DYSF: variants seen among roughly 807,000 people sequenced by gnomAD.
The protein encoded by DYSF is dysferlin.
A neutral mutation model predicts 274.9 loss-of-function variants in DYSF; 212 were observed. The ratio of observed to expected loss-of-function variants is 0.77; its 90% CI spans 0.69 to 0.86. The LOEUF (loss-of-function observed/expected upper bound fraction) is 0.86, where lower values mean the gene tolerates loss of function less well. Ranked by LOEUF, DYSF falls within the 40% of genes least tolerant of loss-of-function variation. The pLI, the probability that DYSF is intolerant of heterozygous loss-of-function variation, is 0.00. For synonymous variants in DYSF, 1,091 were observed against 1,078.7 expected (o/e 1.01, Z -0.22); for missense variants, 2,666 against 2,783.2 (o/e 0.96, Z 0.95).
chr2:71,501,021 A>G (rs2084918846), intron 3 of DYSF, among the ~76,000 whole-genome samples: 1 of 152,126 alleles, frequency 6.6e-6, no homozygotes, highest in Non-Finnish European at 1.5e-5. Flanking sequence ...CCTGAGGACA[A>G]TTCAGTCAAC....
intron 52 of DYSF, among the ~76,000 whole-genome samples, chr2:71,678,151 G>A (rs2095249892): frequency 6.6e-6 from 1 of 152,108 alleles, no homozygotes; most frequent in African/African-American, 2.4e-5. Context: ...ATAGCCTGAA[G>A]GGAATTTTAT....
intron 55 of DYSF, among the ~76,000 whole-genome samples, chr2:71,683,959 G>T (rs778455143): frequency 6.6e-6 from 1 of 152,244 alleles, no homozygotes; most frequent in Non-Finnish European, 1.5e-5. Context: ...GCTGGGGAAA[G>T]GATGTCTGGT....
At chr2:71,641,279 C>T (rs536297575) in intron 41 of DYSF, among the ~76,000 whole-genome samples, 17 of 148,652 alleles carry the variant, frequency 1.1e-4, no homozygotes, top group Admixed American at 9.4e-4. Flanking sequence ...CCCAGGTTCA[C>T]GCCATTCTCC....
rs564680304 is a variant in DYSF at position 71,511,989 on chromosome 2, G to A, written c.460+68G>A. On this transcript the variant is annotated intron_variant, in intron 5 of 55. Coordinates refer to ENST00000410020, the MANE Select transcript of DYSF (RefSeq NM_001130987.2). ...CCGGCAGTGGCACTTGAGCCTGGGG[G>A]CTGGGAGCTGCAGCGAGGCTTCCCA... 24 of 1,035,938 alleles carry A rather than the reference G, an allele frequency of 2.3e-5. 1 individual carries two copies. In the East Asian group the frequency reaches 6.2e-4, roughly 27 times the overall value. The allele number at this position is 1,035,938 out of a possible 1,614,324, so 64.2% of individuals were successfully genotyped here.
intron 32 of DYSF, among the ~76,000 whole-genome samples, chr2:71,596,819 C>T (rs1205404481): frequency 6.6e-6 from 1 of 152,220 alleles, no homozygotes; most frequent in East Asian, 1.9e-4. Context: ...TGGTGGCTGC[C>T]TTCTATTAAC....
intron 3 of DYSF, among the ~76,000 whole-genome samples, chr2:71,486,787 G>A (rs1015414225): frequency 6.6e-6 from 1 of 152,176 alleles, no homozygotes; most frequent in African/African-American, 2.4e-5. Flanking sequence ...CCACTCCTTA[G>A]GGTGGAAGAC....
intron 16 of DYSF, among the ~76,000 whole-genome samples, chr2:71,535,520 A>G (rs1158886142): frequency 6.6e-6 from 1 of 152,048 alleles, no homozygotes; most frequent in East Asian, 1.9e-4. Context: ...GTAGGCAGAT[A>G]AGGAGGAATC....
chr2:71,603,887 G>A (rs775201743), intron 36 of DYSF, among the ~76,000 whole-genome samples: 134 of 152,316 alleles, frequency 8.8e-4, no homozygotes, highest in Non-Finnish European at 1.6e-3. Context: ...AACTGGATTC[G>A]TAATATGTAA....
At position 71,601,538 on chromosome 2, in the gene DYSF, G is replaced by A. The variant is rs886056282; in HGVS notation, c.3927+10G>A. The A allele has an allele frequency of 1.2e-6, 2 of 1,614,158 alleles. No homozygotes were observed. Among genetic ancestry groups the A allele is most frequent in the South Asian group, 1.1e-5 (1 of 91,084 alleles). On this transcript the variant is annotated intron_variant, in intron 35 of 55. Transcript: ENST00000410020. ...TATTCCTGGTTTTGAGGTAAGTCTTGCTCTGACCTTTCCTTCTTCAAACTG... is the reference window on the plus strand; with the variant it reads ...TATTCCTGGTTTTGAGGTAAGTCTTACTCTGACCTTTCCTTCTTCAAACTG...
At chr2:71,485,288 G>A (rs932579664) in intron 3 of DYSF, among the ~76,000 whole-genome samples, 1 of 152,190 alleles carries the variant, frequency 6.6e-6, no homozygotes, top group African/African-American at 2.4e-5. Context: ...GGGCATTGTG[G>A]CTCATACCTG....
At chr2:71,639,272 G>A (rs1478192069) in intron 41 of DYSF, among the ~76,000 whole-genome samples, 1 of 152,098 alleles carries the variant, frequency 6.6e-6, no homozygotes, top group Non-Finnish European at 1.5e-5. Context: ...CCCATTCTGT[G>A]AGTTGTCTTT....
At chr2:71,560,892 A>C (rs904775948) in intron 22 of DYSF, among the ~76,000 whole-genome samples, 5 of 152,088 alleles carry the variant, frequency 3.3e-5, no homozygotes, top group African/African-American at 7.2e-5. Context: ...CCATACCCTC[A>C]GTGGAGAATG....
rs149267005 is a variant in DYSF at position 71,571,785 on chromosome 2, A to C, written c.3228+1044A>C. ...CAGATCACACCCAGCACACACACAGATCACACCCAGCACACACAGCTCACA... is the reference window on the plus strand; with the variant it reads ...CAGATCACACCCAGCACACACACAGCTCACACCCAGCACACACAGCTCACA... On this transcript the variant is annotated intron_variant, in intron 29 of 55. Coordinates refer to ENST00000410020, the MANE Select transcript of DYSF (RefSeq NM_001130987.2). Among the ~76,000 whole-genome samples the C allele has an allele frequency of 6.1e-3, 684 of 111,650 alleles. 2 individuals carry two copies. Among genetic ancestry groups the C allele is most frequent in the African/African-American group, 0.024 (580 of 24,300 alleles). 73.2% of individuals were successfully genotyped at this position (111,650 alleles called of 152,430 possible).
intron 1 of DYSF, among the ~76,000 whole-genome samples, chr2:71,479,640 T>C (rs540173077): frequency 4.1e-4 from 62 of 152,338 alleles, no homozygotes; most frequent in African/African-American, 1.2e-3. Context: ...CACCTTTCTT[T>C]CAAGCCTCAC....
At chr2:71,569,697 C>T in intron 26 of DYSF, 123 bp from the exon 27 acceptor site, 3 of 800,310 alleles carry the variant, frequency 3.7e-6, no homozygotes, top group Non-Finnish European at 4.2e-6. Context: ...TCCCCACCCC[C>T]CATGTCTCTC....
chr2:71,507,156 C>T (rs1005811718), intron 4 of DYSF, among the ~76,000 whole-genome samples: 7 of 152,238 alleles, frequency 4.6e-5, no homozygotes, highest in African/African-American at 1.4e-4. Context: ...AGTTACACTC[C>T]GGCGGCTCCA....
chr2:71,503,332 C>A lies in DYSF; in HGVS notation c.345+13C>A. The A allele has an allele frequency of 6.2e-7, 1 of 1,613,630 alleles. No individual in the cohort carries two copies. The highest frequency in any genetic ancestry group is 8.5e-7 in the Non-Finnish European group (1 of 1,179,560). Reference sequence around the variant, plus strand: ...GCAGCCCACAGGGGTAAGTGCCCATCAGCCTCTGCCAGGTTAAGGTCCAAG... The same window carrying A: ...GCAGCCCACAGGGGTAAGTGCCCATAAGCCTCTGCCAGGTTAAGGTCCAAG... On this transcript the variant is annotated intron_variant, in intron 4 of 55. Transcript: ENST00000410020.
chr2:71,602,431 C>A (rs981910397), intron 35 of DYSF, among the ~76,000 whole-genome samples: 3 of 152,152 alleles, frequency 2.0e-5, no homozygotes, highest in African/African-American at 7.2e-5. Flanking sequence ...TTGCCAAGGC[C>A]ACAGGCTCCC....
rs1197839958 is a variant in DYSF at position 71,589,577 on chromosome 2, A to AG, written c.3403-15dup. On this transcript the variant is annotated splice_polypyrimidine_tract_variant and intron_variant, in intron 30 of 55. Transcript: ENST00000410020. ...CCTGGGGGCAGAATCTGCCATAACC[A>AG]GCTTCGTGTCTCCAGGGCGGCGTGA... 2 of 1,612,578 alleles carry AG rather than the reference A, an allele frequency of 1.2e-6. No homozygotes were observed. The highest frequency in any genetic ancestry group is 1.7e-6 in the Non-Finnish European group (2 of 1,178,856).
Sources: allele counts gnomAD v4.1 joint callset (sites outside exome capture counted in the v4.1 genomes callset), GRCh38; gene constraint gnomAD v4.1.1; transcripts MANE v1.5; gene names NCBI Gene and HGNC (gene_info 2026-07-23, HGNC 2026-07-21).